Variants in ESRRG observed in about 807,000 individuals in gnomAD.
ESRRG encodes estrogen-related receptor gamma.
Under a neutral mutation model 44.0 loss-of-function variants are expected in ESRRG, and 13 were observed. That is an observed-to-expected ratio of 0.30 (90% confidence interval 0.19 to 0.47). The LOEUF (loss-of-function observed/expected upper bound fraction) is 0.47, where lower values mean the gene tolerates loss of function less well. Ranked by LOEUF, ESRRG falls within the 20% of genes least tolerant of loss-of-function variation. ESRRG has a pLI of 1.00. For synonymous variants in ESRRG, 215 were observed against 214.6 expected, an observed-to-expected ratio of 1.00 and a Z score of -0.02; for missense variants, 395 against 580.6, an observed-to-expected ratio of 0.68 and a Z score of 3.29.
chr1:216,618,558 A>T (rs1426222188), intron 3 of ESRRG, among the ~76,000 whole-genome samples: 1 of 152,242 alleles, frequency 6.6e-6, no homozygotes, highest in Non-Finnish European at 1.5e-5. Flanking sequence ...CCGTATGTAT[A>T]CATTATGTGG....
chr1:216,510,873 CA>C (rs564745342), intron 6 of ESRRG, among the ~76,000 whole-genome samples: 18 of 147,196 alleles, frequency 1.2e-4, no homozygotes, highest in Non-Finnish European at 1.7e-4. Flanking sequence ...GACTCCGTCT[CA>C]AAAAAAAAAG....
intron 1 of ESRRG, among the ~76,000 whole-genome samples, chr1:217,010,743 A>G (rs1420360959): frequency 2.0e-5 from 3 of 152,340 alleles, no homozygotes; most frequent in South Asian, 4.1e-4. Flanking sequence ...GAAGAGGCCA[A>G]GAGACTTTGA....
chr1:217,119,624 A>G (rs1022455184), intron 1 of ESRRG, among the ~76,000 whole-genome samples: 1 of 152,108 alleles, frequency 6.6e-6, no homozygotes, highest in African/African-American at 2.4e-5. Context: ...TGATCTCTGT[A>G]TTTTTCTTGT....
intron 1 of ESRRG, among the ~76,000 whole-genome samples, chr1:216,693,090 C>T (rs1302869031): frequency 1.3e-5 from 2 of 152,246 alleles, no homozygotes; most frequent in Non-Finnish European, 2.9e-5. Context: ...AATTCAACTT[C>T]CTTGCCCTTG....
intron 2 of ESRRG, among the ~76,000 whole-genome samples, chr1:216,785,996 T>C (rs2094115105): frequency 6.6e-6 from 1 of 152,074 alleles, no homozygotes. Context: ...GGTGGGAGTT[T>C]AGGAACAGTA....
At chr1:216,784,922 A>G (rs1028258918) in intron 2 of ESRRG, among the ~76,000 whole-genome samples, 1 of 152,072 alleles carries the variant, frequency 6.6e-6, no homozygotes, top group Admixed American at 6.6e-5. Flanking sequence ...TTCTATCACT[A>G]AACAATTCTC....
At chr1:216,580,569 G>A (rs996139695) in intron 3 of ESRRG, among the ~76,000 whole-genome samples, 3 of 152,186 alleles carry the variant, frequency 2.0e-5, no homozygotes, top group Non-Finnish European at 4.4e-5. Context: ...AAAGATCATA[G>A]ATTGCTATAC....
At chr1:216,860,207 T>A (rs1559896592) in intron 2 of ESRRG, among the ~76,000 whole-genome samples, 1 of 152,148 alleles carries the variant, frequency 6.6e-6, no homozygotes, top group East Asian at 1.9e-4. Flanking sequence ...AGTGTTGCAG[T>A]GAGGCAAGAT....
At chr1:216,992,081 CAGA>C (rs2075797189) in intron 1 of ESRRG, among the ~76,000 whole-genome samples, 1 of 152,124 alleles carries the variant, frequency 6.6e-6, no homozygotes, top group African/African-American at 2.4e-5. Context: ...CTGGATTTTT[CAGA>C]CCAAATGAAT....
intron 2 of ESRRG, among the ~76,000 whole-genome samples, chr1:216,913,111 CAAAA>C (rs36067159): frequency 2.1e-4 from 13 of 62,806 alleles, no homozygotes; most frequent in East Asian, 3.7e-4. Context: ...GACTCTGTCT[CAAAA>C]AAAAAAAAAA....
chr1:216,697,413 G>A (rs1024823254), intron 1 of ESRRG, among the ~76,000 whole-genome samples: 3 of 152,202 alleles, frequency 2.0e-5, no homozygotes, highest in Non-Finnish European at 4.4e-5. Flanking sequence ...AAGCACTTTA[G>A]TAATGTAGTC....
intron 2 of ESRRG, among the ~76,000 whole-genome samples, chr1:216,830,733 G>A (rs2095474386): frequency 6.6e-6 from 1 of 151,058 alleles, no homozygotes; most frequent in Non-Finnish European, 1.5e-5. Flanking sequence ...GATAGCGGGA[G>A]CCAATGAGGA....
intron 2 of ESRRG, among the ~76,000 whole-genome samples, chr1:216,877,182 T>C (rs1346481964): frequency 6.6e-6 from 1 of 152,100 alleles, no homozygotes; most frequent in African/African-American, 2.4e-5. Context: ...ATCTATCTCA[T>C]TCACTATACT....
At chr1:217,104,946 G>C (rs1183805197) in intron 1 of ESRRG, among the ~76,000 whole-genome samples, 1 of 152,120 alleles carries the variant, frequency 6.6e-6, no homozygotes, top group African/African-American at 2.4e-5. Flanking sequence ...TCATCTCTAG[G>C]AAAGAGCATT....
chr1:216,986,569 A>ATAC (rs1371141573), intron 1 of ESRRG, among the ~76,000 whole-genome samples: 1 of 151,808 alleles, frequency 6.6e-6, no homozygotes, highest in African/African-American at 2.4e-5. Context: ...AATAATAATA[A>ATAC]TACAAAAATC....
intron 5 of ESRRG, among the ~76,000 whole-genome samples, 175 bp downstream of exon 5, chr1:216,564,044 T>C (rs2059255244): frequency 6.6e-6 from 1 of 152,148 alleles, no homozygotes; most frequent in Non-Finnish European, 1.5e-5. Context: ...ATATAAATAA[T>C]ATAAAGTCTA....
intron 2 of ESRRG, among the ~76,000 whole-genome samples, chr1:216,808,993 T>C (rs943535635): frequency 2.6e-5 from 4 of 152,106 alleles, no homozygotes; most frequent in African/African-American, 9.7e-5. Flanking sequence ...GAGAAGAAAC[T>C]GTTAAGTCAC....
chr1:216,679,771 T>G (rs1008235430), intron 1 of ESRRG, among the ~76,000 whole-genome samples: 1 of 151,958 alleles, frequency 6.6e-6, no homozygotes, highest in Non-Finnish European at 1.5e-5. Context: ...TTTTTCAGGC[T>G]CTTCCTCATG....
chr1:217,069,540 T>C (rs1307190921), intron 1 of ESRRG, among the ~76,000 whole-genome samples: 1 of 152,074 alleles, frequency 6.6e-6, no homozygotes, highest in African/African-American at 2.4e-5. Flanking sequence ...GACTTTAACC[T>C]TGGAAATACA....
Sources: allele counts gnomAD v4.1 joint callset (sites outside exome capture counted in the v4.1 genomes callset), GRCh38; gene constraint gnomAD v4.1.1; transcripts MANE v1.5; gene names NCBI Gene and HGNC (gene_info 2026-07-23, HGNC 2026-07-21).